Variants in ZNF195 observed in about 807,000 individuals in gnomAD.
ZNF195 encodes the protein zinc finger protein 195, also known as hypoxia-regulated factor-1.
A neutral mutation model predicts 19.5 loss-of-function variants in ZNF195; 11 were observed. The observed-to-expected ratio is 0.57, with a 90% CI of 0.36 to 0.94. ZNF195 has a LOEUF of 0.94. ZNF195 is among the 40% of genes least tolerant of loss of function. ZNF195 has a pLI of 0.01. For synonymous variants in ZNF195, 214 were observed against 248.1 expected (o/e 0.86, Z 1.29); for missense variants, 582 against 709.0 (o/e 0.82, Z 2.03).
chr11:3,369,511 A>C lies in ZNF195; in HGVS notation c.226+1464T>G, dbSNP rs1266534306. On this transcript the variant is annotated intron_variant, in intron 3 of 5. Coordinates refer to ENST00000399602, the MANE Select transcript of ZNF195 (RefSeq NM_001130520.3). Reference sequence around the variant, plus strand: ...CTAAACGTTTGCGGATGCTGAATGGATAAAGAAAATGTGATATAAATAGAC... The same window carrying C: ...CTAAACGTTTGCGGATGCTGAATGGCTAAAGAAAATGTGATATAAATAGAC... The C allele has an allele frequency of 2.2e-5, 10 of 453,708 alleles. No individual in the cohort carries two copies. The Admixed American group carries it at 2.4e-4, about 11-fold the overall frequency. The allele number at this position is 453,708 out of a possible 1,614,324, so 28.1% of individuals were successfully genotyped here. A position where few individuals can be genotyped will look rare whatever the true frequency, so the allele number is the denominator to read the frequency against.
At chr11:3,376,653 T>G (rs1389261405) in intron 1 of ZNF195, among the ~76,000 whole-genome samples, 2 of 152,206 alleles carry the variant, frequency 1.3e-5, no homozygotes, top group Non-Finnish European at 2.9e-5. Context: ...CACTTTCACC[T>G]CCACAGAAAA....
chr11:3,374,513 G>A (rs919635725), intron 1 of ZNF195, among the ~76,000 whole-genome samples: 4 of 152,230 alleles, frequency 2.6e-5, no homozygotes, highest in Non-Finnish European at 4.4e-5. Context: ...GTCTGCATTT[G>A]GAAAACAATG....
chr11:3,360,481 C>T lies in ZNF195; in HGVS notation c.527G>A (p.Gly176Glu). 1 of 1,610,280 alleles carries T rather than the reference C, an allele frequency of 6.2e-7. No individual in the cohort carries two copies. The highest frequency in any genetic ancestry group is 1.3e-5 in the African/African-American group (1 of 74,238). ...AFPKRILRGY[G>E]NCGLDNLYLR... ...ATATAAATTATCAAGGCCACAATTT[C>T]CATATCCTCTCAGTATTCTTTTTGG... The change falls in exon 6 of 6, where the codon GGA becomes GAA. Residue 176 changes from glycine to glutamate, a missense_variant. Physicochemically the swap from Gly to Glu is moderately conservative, Grantham distance 98. This residue lies in a region of ZNF195 where 407 missense variants were observed against 530.5 expected (regional missense o/e 0.77). Transcript: ENST00000399602.
intron 1 of ZNF195, 75 bp downstream of exon 1, chr11:3,378,963 G>A: frequency 2.3e-6 from 3 of 1,331,928 alleles, no homozygotes; most frequent in South Asian, 3.9e-5. Context: ...GGGCAGCCCG[G>A]TTCCTCCCGA....
intron 3 of ZNF195, among the ~76,000 whole-genome samples, chr11:3,364,632 T>C (rs895796273): frequency 5.9e-5 from 9 of 152,182 alleles, no homozygotes; most frequent in African/African-American, 2.2e-4. Context: ...ACTCTCCATT[T>C]TTCAAGGTGA....
intron 5 of ZNF195, 31 bp from the exon 6 acceptor site, chr11:3,360,596 A>G: frequency 6.4e-7 from 1 of 1,555,188 alleles, no homozygotes; most frequent in Non-Finnish European, 8.6e-7. Flanking sequence ...TATCCGACTT[A>G]CTAGACACAG....
intron 3 of ZNF195, among the ~76,000 whole-genome samples, chr11:3,370,189 GATATATACACAC>G (rs1427768495): frequency 3.3e-5 from 5 of 151,192 alleles, no homozygotes; most frequent in Non-Finnish European, 7.4e-5. Context: ...ACACATATAT[GATATATACACAC>G]ACATATATAC....
intron 3 of ZNF195, among the ~76,000 whole-genome samples, chr11:3,366,430 A>G (rs1345400151): frequency 6.6e-6 from 1 of 152,102 alleles, no homozygotes; most frequent in Non-Finnish European, 1.5e-5. Flanking sequence ...ATGGGTAAAA[A>G]TCACACATTT....
rs373285352 is a variant in ZNF195 at position 3,364,515 on chromosome 11, T to C, written c.227-2626A>G. Among the ~76,000 whole-genome samples the C allele has an allele frequency of 6.6e-5, 10 of 152,026 alleles. No homozygotes were observed. The East Asian group carries it at 7.7e-4, about 12-fold the overall frequency. Reference sequence around the variant, plus strand: ...AATCTTTGCTACCAGACACAAAATATATAATAATTTGTTACATTAACAGCA... The same window carrying C: ...AATCTTTGCTACCAGACACAAAATACATAATAATTTGTTACATTAACAGCA... On this transcript the variant is annotated intron_variant, in intron 3 of 5. Coordinates refer to ENST00000399602, the MANE Select transcript of ZNF195 (RefSeq NM_001130520.3).
At position 3,359,459 on chromosome 11, in the gene ZNF195, T is replaced by C. The variant is rs746618339; in HGVS notation, c.1549A>G (p.Thr517Ala). 2.5e-6 allele frequency: 4 copies of C among 1,614,074 alleles called. No homozygotes were observed. The highest frequency in any genetic ancestry group is 1.7e-5 in the Admixed American group (1 of 60,004). Residue 517 changes from threonine to alanine, a missense_variant, in exon 6 of 6, where the codon ACT (threonine) becomes GCT (alanine). Around this residue, in one of 3 missense-constraint regions of ZNF195, gnomAD observed 407 missense variants for 530.5 expected, o/e 0.77. Transcript: ENST00000399602. This position sits in a 1 kb window ranked among gnomAD's most constrained non-coding sequence, Gnocchi z 5.5. ...SDLTKHKKTH[T>A]GEKPYKCDEC... ...TCACATTTGTAGGGCTTCTCTCCAG[T>C]ATGGGTTTTCTTATGCTTAGTGAGG...
chr11:3,373,664 G>A (rs10833820), intron 1 of ZNF195: 1,033,226 of 1,541,630 alleles, frequency 0.67, 348,640 homozygotes, highest in Admixed American at 0.74. Flanking sequence ...CACCTGCATC[G>A]TGAGAATATG....
chr11:3,358,968 CTT>C lies in ZNF195; in HGVS notation c.*148_*149del, dbSNP rs1303787100. The C allele has an allele frequency of 6.8e-6, 7 of 1,035,794 alleles. No homozygotes were observed. The highest frequency in any genetic ancestry group is 7.3e-5 in the Admixed American group (2 of 27,338). The allele number at this position is 1,035,794 out of a possible 1,614,324, so 64.2% of individuals were successfully genotyped here. On this transcript the variant is annotated 3_prime_UTR_variant, in exon 6 of 6. Transcript: ENST00000399602. ...TAACATTTTTTTCAGAAGAAATACTCTTGTGTGCTCTGGAGACTTATATTTCA... is the reference window on the plus strand; with the variant it reads ...TAACATTTTTTTCAGAAGAAATACTCGTGTGCTCTGGAGACTTATATTTCA...
At chr11:3,378,721 C>T (rs1044093644) in intron 1 of ZNF195, among the ~76,000 whole-genome samples, 1 of 152,204 alleles carries the variant, frequency 6.6e-6, no homozygotes, top group Non-Finnish European at 1.5e-5. Context: ...AAAGGAGGGA[C>T]TGGGGCCCCC....
intron 3 of ZNF195, chr11:3,368,913 AT>A (rs1316272369): frequency 8.9e-6 from 4 of 447,822 alleles, no homozygotes; most frequent in African/African-American, 6.0e-5. Flanking sequence ...TTCTTACACC[AT>A]ACTCAAAAAT....
intron 2 of ZNF195, chr11:3,371,287 G>T: frequency 1.5e-6 from 1 of 651,824 alleles, no homozygotes; most frequent in Non-Finnish European, 2.5e-6. Flanking sequence ...ATTGGTGGTG[G>T]AAATTTGACT....
rs374724507 is a variant in ZNF195 at position 3,361,592 on chromosome 11, A to C, written c.373+151T>G. The C allele has an allele frequency of 4.6e-5, 15 of 328,284 alleles. No homozygotes were observed. The East Asian group carries it at 6.1e-4, about 13-fold the overall frequency. The allele number at this position is 328,284 out of a possible 1,614,324, so 20.3% of individuals were successfully genotyped here. A position where few individuals can be genotyped will look rare whatever the true frequency, so the allele number is the denominator to read the frequency against. On this transcript the variant is annotated intron_variant, in intron 4 of 5. Transcript: ENST00000399602. ...TGAGAAATTCTCAAAAGTAAGAAAAAAATACAAAAAAATCAAGAAGCTCAA... is the reference window on the plus strand; with the variant it reads ...TGAGAAATTCTCAAAAGTAAGAAAACAATACAAAAAAATCAAGAAGCTCAA...
rs1231453823 is a variant in ZNF195 at position 3,379,066 on chromosome 11, T to C, written c.-26A>G. On this transcript the variant is annotated 5_prime_UTR_variant, in exon 1 of 6. Transcript: ENST00000399602. ...CTCCTGGCCTCCAGAGAGCCTGGCG[T>C]TTCACTTCTGGATCTCCCGGTGCCT... is the stretch of plus-strand genomic sequence containing the variant. The C allele has an allele frequency of 6.7e-7, 1 of 1,496,016 alleles. No homozygotes were observed. The highest frequency in any genetic ancestry group is 2.1e-5 in the Admixed American group (1 of 48,502). 92.7% of individuals were successfully genotyped at this position (1,496,016 alleles called of 1,614,324 possible).
intron 3 of ZNF195, among the ~76,000 whole-genome samples, chr11:3,366,263 CAA>C (rs35338297): frequency 1.1e-5 from 1 of 88,988 alleles, no homozygotes. Context: ...GACTCCATCT[CAA>C]AAAAAAAAAA....
At position 3,359,032 on chromosome 11, in the gene ZNF195, CT is replaced by C; in HGVS notation, c.*85del. ...TCAATAGTAATTACATTTATGATAA[CT>C]TTATTAAGTCTGAACTCTGATGTAA... On this transcript the variant is annotated 3_prime_UTR_variant, in exon 6 of 6. Coordinates refer to ENST00000399602, the MANE Select transcript of ZNF195 (RefSeq NM_001130520.3). The surrounding 1 kb of genome is among the most constrained non-coding windows in gnomAD (Gnocchi z 5.5). 7.1e-7 allele frequency: 1 copy of C among 1,409,094 alleles called. No homozygotes were observed. The allele number at this position is 1,409,094 out of a possible 1,614,324, so 87.3% of individuals were successfully genotyped here.
Sources: gnomAD v4.1 joint callset for allele counts (sites outside exome capture counted in the v4.1 genomes callset) on GRCh38, gnomAD v4.1.1 for gene constraint, gnomAD v4.1.1 regional missense constraint, Gnocchi (gnomAD v3.1) non-coding constraint, MANE v1.5 for transcripts, NCBI Gene and HGNC (gene_info 2026-07-23, HGNC 2026-07-21) for gene names.